RGS8: variants seen among roughly 807,000 people sequenced by gnomAD.
RGS8 encodes regulator of G protein signaling 8, also known as regulator of G-protein signaling 8.
RGS8 carries 8 observed loss-of-function variants against 21.7 expected under a neutral mutation model. The ratio of observed to expected loss-of-function variants is 0.37; its 90% CI spans 0.22 to 0.66. The LOEUF is 0.66. Ranked by LOEUF, RGS8 falls within the 30% of genes least tolerant of loss-of-function variation. The pLI, the probability that RGS8 is intolerant of heterozygous loss-of-function variation, is 0.59. For missense variants in RGS8, 157 were observed against 217.9 expected (o/e 0.72, Z 1.76); for synonymous variants, 80 against 83.6 (o/e 0.96, Z 0.24).
intron 2 of RGS8, 102 bp downstream of exon 3, chr1:182,671,555 C>T: frequency 1.0e-6 from 1 of 973,200 alleles, no homozygotes; most frequent in Non-Finnish European, 1.6e-6. Flanking sequence ...GGGAAGAAAG[C>T]AATCAATATG....
the RGS8 span, among the ~76,000 whole-genome samples, chr1:182,697,956 C>T: frequency 1.3e-5 from 2 of 152,138 alleles, no homozygotes; most frequent in African/African-American, 2.4e-5. Flanking sequence ...GTAGGGTTTC[C>T]AAAAGCTTTG....
At chr1:182,683,197 GA>G (rs1664593616) in intron 1 of RGS8, among the ~76,000 whole-genome samples, 2 of 152,174 alleles carry the variant, frequency 1.3e-5, no homozygotes, top group African/African-American at 2.4e-5. Flanking sequence ...CCTGCTCTAA[GA>G]ATGGGTGGAG....
At chr1:182,651,354 A>G (rs1663004940) in intron 5 of RGS8, among the ~76,000 whole-genome samples, 1 of 152,238 alleles carries the variant, frequency 6.6e-6, no homozygotes, top group East Asian at 1.9e-4. Flanking sequence ...AGCCTACCCT[A>G]AATGTGCTCA....
chr1:182,654,441 A>T (rs1269513677), intron 5 of RGS8, among the ~76,000 whole-genome samples: 1 of 152,244 alleles, frequency 6.6e-6, no homozygotes, highest in Non-Finnish European at 1.5e-5. Context: ...TGTCAAGTCA[A>T]ACAGCCTTAA....
chr1:182,735,614 C>G, the RGS8 span, among the ~76,000 whole-genome samples: 1 of 152,178 alleles, frequency 6.6e-6, no homozygotes, highest in Non-Finnish European at 1.5e-5. Flanking sequence ...CTGGTGGAAG[C>G]AGGGACAACA....
At chr1:182,705,853 T>C in the RGS8 span, among the ~76,000 whole-genome samples, 1 of 152,198 alleles carries the variant, frequency 6.6e-6, no homozygotes, top group African/African-American at 2.4e-5. Context: ...CAGCTTCTTC[T>C]ATAAATGAAG....
At chr1:182,737,630 G>C in the RGS8 span, among the ~76,000 whole-genome samples, 1 of 152,132 alleles carries the variant, frequency 6.6e-6, no homozygotes, top group East Asian at 1.9e-4. Flanking sequence ...GGCCTCCCCA[G>C]ACATGTGGAA....
At chr1:182,701,216 T>G in the RGS8 span, among the ~76,000 whole-genome samples, 1 of 152,232 alleles carries the variant, frequency 6.6e-6, no homozygotes, top group African/African-American at 2.4e-5. Context: ...TGAGCAGAAT[T>G]GTGACATCAT....
the RGS8 span, among the ~76,000 whole-genome samples, chr1:182,750,439 A>G: frequency 1.3e-5 from 2 of 152,192 alleles, no homozygotes; most frequent in Non-Finnish European, 2.9e-5. Flanking sequence ...ACAGGAAGAT[A>G]CTTAAACCCA....
chr1:182,738,487 G>A, the RGS8 span, among the ~76,000 whole-genome samples: 4 of 152,114 alleles, frequency 2.6e-5, no homozygotes, highest in East Asian at 7.7e-4. Context: ...TATCATTTTA[G>A]ATTTTTAAAT....
the RGS8 span, among the ~76,000 whole-genome samples, chr1:182,726,663 T>C: frequency 6.6e-6 from 1 of 150,388 alleles, no homozygotes; most frequent in Non-Finnish European, 1.5e-5. Flanking sequence ...AAAGCGAGAC[T>C]CTGTCTCAAA....
At chr1:182,663,349 A>C (rs1199839313) in intron 5 of RGS8, among the ~76,000 whole-genome samples, 1 of 152,176 alleles carries the variant, frequency 6.6e-6, no homozygotes, top group African/African-American at 2.4e-5. Flanking sequence ...TTGAAATTCT[A>C]CCAGTGACTC....
At chr1:182,681,498 T>A (rs1319796479) in intron 1 of RGS8, among the ~76,000 whole-genome samples, 1 of 152,150 alleles carries the variant, frequency 6.6e-6, no homozygotes, top group Admixed American at 6.5e-5. Flanking sequence ...CTAGCTCCAT[T>A]CTAGCCAGAC....
chr1:182,719,010 C>T, the RGS8 span, among the ~76,000 whole-genome samples: 1 of 152,148 alleles, frequency 6.6e-6, no homozygotes, highest in Admixed American at 6.5e-5. Flanking sequence ...CTAAAAATTG[C>T]TTTTGAAAAG....
intron 5 of RGS8, among the ~76,000 whole-genome samples, chr1:182,657,099 CT>C (rs567679581): frequency 1.3e-4 from 19 of 150,412 alleles, no homozygotes; most frequent in East Asian, 5.9e-4. Flanking sequence ...ACCCACCCCC[CT>C]GGCCCACCTT....
chr1:182,737,033 T>G, the RGS8 span, among the ~76,000 whole-genome samples: 10 of 152,222 alleles, frequency 6.6e-5, no homozygotes, highest in Non-Finnish European at 1.0e-4. Flanking sequence ...AATCAAGGCA[T>G]TGGCAGGGCT....
the RGS8 span, among the ~76,000 whole-genome samples, chr1:182,711,481 G>A: frequency 6.6e-6 from 1 of 152,208 alleles, no homozygotes; most frequent in East Asian, 1.9e-4. Flanking sequence ...ATAGGACACA[G>A]GCTGGATACC....
upstream of RGS8, among the ~76,000 whole-genome samples, chr1:182,686,846 C>G (rs1399230432): frequency 2.6e-5 from 4 of 151,968 alleles, no homozygotes; most frequent in African/African-American, 4.8e-5. Flanking sequence ...GAAGTGACTA[C>G]ATTTACAGGA....
At chr1:182,673,867 A>G (rs1392210628), upstream of RGS8, among the ~76,000 whole-genome samples, 1 of 152,236 alleles carries the variant, frequency 6.6e-6, no homozygotes, top group Non-Finnish European at 1.5e-5. Context: ...ATGTTTATAG[A>G]ATAAGGTGAA....
Sources: gnomAD v4.1 joint callset for allele counts (sites outside exome capture counted in the v4.1 genomes callset) on GRCh38, gnomAD v4.1.1 for gene constraint, MANE v1.5 for transcripts, NCBI Gene and HGNC (gene_info 2026-07-23, HGNC 2026-07-21) for gene names.